The following PPFIA2 variants were observed in gnomAD, a reference collection of about 807,000 sequenced individuals.
PPFIA2 encodes the protein liprin-alpha-2.
A neutral mutation model predicts 175.5 loss-of-function variants in PPFIA2; 46 were observed. The observed-to-expected ratio is 0.26, with a 90% CI of 0.21 to 0.34. PPFIA2 has a LOEUF of 0.34. PPFIA2 is among the 10% of genes least tolerant of loss of function. The probability of loss-of-function intolerance (pLI) is 1.00; values close to 1 mark genes in which losing one functional copy is unlikely to be tolerated. For synonymous variants in PPFIA2, 568 were observed against 511.4 expected (o/e 1.11, Z -1.49); for missense variants, 1,179 against 1,506.1 (o/e 0.78, Z 3.60).
chr12:81,339,559 C>CT (rs927198963), intron 20 of PPFIA2, among the ~76,000 whole-genome samples: 1 of 151,722 alleles, frequency 6.6e-6, no homozygotes, highest in Non-Finnish European at 1.5e-5. Flanking sequence ...CTCCGAATGT[C>CT]TTTTTTTCTT....
At chr12:81,265,949 C>T (rs901149870) in intron 30 of PPFIA2, among the ~76,000 whole-genome samples, 14 of 152,164 alleles carry the variant, frequency 9.2e-5, no homozygotes, top group South Asian at 4.2e-4. Flanking sequence ...ACTTATAAGA[C>T]GAGGCTTTTA....
intron 4 of PPFIA2, among the ~76,000 whole-genome samples, chr12:81,572,704 C>A (rs1338862318): frequency 6.6e-6 from 1 of 151,998 alleles, no homozygotes; most frequent in Non-Finnish European, 1.5e-5. Context: ...TCTCTAGTAG[C>A]AATGGGACAT....
At chr12:81,380,831 T>G (rs1303633095) in intron 9 of PPFIA2, among the ~76,000 whole-genome samples, 1 of 152,122 alleles carries the variant, frequency 6.6e-6, no homozygotes, top group Non-Finnish European at 1.5e-5. Flanking sequence ...GTGAGGAATT[T>G]GAGACTTTCC....
chr12:81,333,621 T>C (rs2056554892), intron 21 of PPFIA2, among the ~76,000 whole-genome samples: 1 of 147,694 alleles, frequency 6.8e-6, no homozygotes, highest in Admixed American at 6.7e-5. Flanking sequence ...CACATGAATT[T>C]TTTATTTTTT....
chr12:81,538,813 T>C (rs1189899944), intron 4 of PPFIA2, among the ~76,000 whole-genome samples: 1 of 151,808 alleles, frequency 6.6e-6, no homozygotes, highest in Non-Finnish European at 1.5e-5. Flanking sequence ...TCTAAGAATG[T>C]TGGCTTCCAT....
intron 4 of PPFIA2, among the ~76,000 whole-genome samples, chr12:81,674,449 C>T (rs2072049152): frequency 6.6e-6 from 1 of 152,018 alleles, no homozygotes; most frequent in Non-Finnish European, 1.5e-5. Flanking sequence ...AGGCAGATCA[C>T]TTGAAGTCAG....
chr12:81,264,882 C>T lies in PPFIA2; in HGVS notation c.3556-1492G>A, dbSNP rs1027353002. ...TTCACAGTTGCAGCCTCTACGACTT[C>T]TTGATTCTTGGAGAAGTTTTTGCAT... is the stretch of plus-strand genomic sequence containing the variant. On this transcript the variant is annotated intron_variant, in intron 30 of 32. Coordinates refer to ENST00000549396, the MANE Select transcript of PPFIA2 (RefSeq NM_003625.5). Among the ~76,000 whole-genome samples the T allele has an allele frequency of 4.6e-5, 7 of 152,292 alleles. No individual in the cohort carries two copies. The South Asian group carries it at 8.3e-4, about 18-fold the overall frequency.
At chr12:81,416,363 G>T (rs1479107269) in intron 7 of PPFIA2, among the ~76,000 whole-genome samples, 1 of 151,448 alleles carries the variant, frequency 6.6e-6, no homozygotes, top group Non-Finnish European at 1.5e-5. Flanking sequence ...TATTCATTAA[G>T]GTAAACAGTA....
chr12:81,296,209 C>CG (rs2046403088), intron 23 of PPFIA2, among the ~76,000 whole-genome samples: 1 of 151,954 alleles, frequency 6.6e-6, no homozygotes, highest in Admixed American at 6.6e-5. Context: ...ATTCCAGCTA[C>CG]GGGGGAGGCT....
rs145740635 is a variant in PPFIA2 at position 81,412,068 on chromosome 12, T to G, written c.646-6165A>C. On this transcript the variant is annotated intron_variant, in intron 7 of 32. Coordinates refer to ENST00000549396, the MANE Select transcript of PPFIA2 (RefSeq NM_003625.5). Reference sequence around the variant, plus strand: ...TTTCAATGATGTAAAATGTCCTCCCTAAAAGAGAGGTAAAACATCAGTGCA... The same window carrying G: ...TTTCAATGATGTAAAATGTCCTCCCGAAAAGAGAGGTAAAACATCAGTGCA... Among the ~76,000 whole-genome samples the G allele has an allele frequency of 2.6e-3, 393 of 151,992 alleles. 1 individual carries two copies. Among genetic ancestry groups the G allele is most frequent in the African/African-American group, 9.2e-3 (380 of 41,502 alleles).
chr12:81,586,997 A>G (rs1014294178), intron 4 of PPFIA2, among the ~76,000 whole-genome samples: 4 of 152,018 alleles, frequency 2.6e-5, no homozygotes, highest in African/African-American at 9.7e-5. Context: ...TTTTAGAATA[A>G]CCTTATGACC....
intron 4 of PPFIA2, among the ~76,000 whole-genome samples, chr12:81,526,782 A>G (rs1330909958): frequency 1.3e-5 from 2 of 152,170 alleles, no homozygotes; most frequent in African/African-American, 2.4e-5. Flanking sequence ...ATTTATCTCT[A>G]GCTCCTCAAT....
chr12:81,442,216 C>T (rs1022962370), intron 6 of PPFIA2, among the ~76,000 whole-genome samples: 6 of 151,668 alleles, frequency 4.0e-5, no homozygotes, highest in East Asian at 3.9e-4. Context: ...ATGTTGTCCA[C>T]GAAGTAATAA....
chr12:81,614,262 CAGAA>C (rs1399334674), intron 4 of PPFIA2, among the ~76,000 whole-genome samples: 1 of 152,024 alleles, frequency 6.6e-6, no homozygotes, highest in Non-Finnish European at 1.5e-5. Flanking sequence ...GTCTAAAAAA[CAGAA>C]AGCAGATGTT....
At chr12:81,613,354 G>T (rs1382742488) in intron 4 of PPFIA2, among the ~76,000 whole-genome samples, 3 of 152,062 alleles carry the variant, frequency 2.0e-5, no homozygotes, top group African/African-American at 7.2e-5. Context: ...ACCACATACA[G>T]ATTATTAGAT....
intron 4 of PPFIA2, among the ~76,000 whole-genome samples, chr12:81,561,657 C>T (rs1180423014): frequency 6.6e-6 from 1 of 152,158 alleles, no homozygotes; most frequent in Non-Finnish European, 1.5e-5. Flanking sequence ...GGTAATTTTA[C>T]AAATCACTTT....
intron 9 of PPFIA2, chr12:81,378,250 C>T (rs543170242): frequency 1.3e-5 from 2 of 151,932 alleles, no homozygotes; most frequent in Admixed American, 6.6e-5. Flanking sequence ...CAGTTGGTGG[C>T]AATTTGTTAT....
At chr12:81,685,240 T>C (rs1206472849) in intron 3 of PPFIA2, among the ~76,000 whole-genome samples, 2 of 151,988 alleles carry the variant, frequency 1.3e-5, no homozygotes, top group African/African-American at 4.8e-5. Context: ...ATCCAAATAA[T>C]GAAGCTGAGT....
chr12:81,444,777 C>T (rs775549461), intron 6 of PPFIA2, among the ~76,000 whole-genome samples: 25 of 152,086 alleles, frequency 1.6e-4, no homozygotes, highest in Non-Finnish European at 2.4e-4. Flanking sequence ...ATGCTCAGAA[C>T]TTGTCGGATA....
Sources: gnomAD v4.1 joint callset for allele counts (sites outside exome capture counted in the v4.1 genomes callset) on GRCh38, gnomAD v4.1.1 for gene constraint, MANE v1.5 for transcripts, NCBI Gene and HGNC (gene_info 2026-07-23, HGNC 2026-07-21) for gene names.